Variants in EXOC4 observed in about 807,000 individuals in gnomAD.
The protein encoded by EXOC4 is exocyst complex component 4.
In EXOC4, 71 loss-of-function variants were observed where a neutral mutation model predicts 107.2. The ratio of observed to expected loss-of-function variants is 0.66; its 90% confidence interval spans 0.55 to 0.81. The LOEUF is 0.81. Ranked by LOEUF, EXOC4 falls within the 30% of genes least tolerant of loss-of-function variation. The pLI is 0.00. For synonymous variants in EXOC4, 456 were observed against 441.2 expected, an observed-to-expected ratio of 1.03 and a Z score of -0.42; for missense variants, 1,108 against 1,189.6, an observed-to-expected ratio of 0.93 and a Z score of 1.01.
chr7:133,441,211 A>C (rs970151445), intron 7 of EXOC4, among the ~76,000 whole-genome samples: 27 of 152,306 alleles, frequency 1.8e-4, no homozygotes, highest in Middle Eastern at 6.8e-3. Flanking sequence ...TATTTACAGC[A>C]AGTAAGATTT....
At chr7:134,040,526 A>C (rs1795490579) in intron 17 of EXOC4, among the ~76,000 whole-genome samples, 1 of 152,114 alleles carries the variant, frequency 6.6e-6, no homozygotes, top group African/African-American at 2.4e-5. Flanking sequence ...TTCCGAAGTC[A>C]TTGCCATGTT....
intron 7 of EXOC4, 42 bp from the exon 8 acceptor site, chr7:133,475,257 TAAAATAGTTTTTCTTAATTGCACATTAAA>T: frequency 7.5e-7 from 1 of 1,329,456 alleles, no homozygotes; most frequent in Non-Finnish European, 1.1e-6. Context: ...TGCATGGTTT[TAAAATAGTTTTTCTTAATTGCACATTAAA>T]AATGTGTATA....
intron 14 of EXOC4, among the ~76,000 whole-genome samples, chr7:133,951,187 G>A (rs1188269446): frequency 6.6e-6 from 1 of 152,162 alleles, no homozygotes; most frequent in Non-Finnish European, 1.5e-5. Context: ...CCTTGACCCA[G>A]CCCTACCCAT....
chr7:133,379,608 T>C (rs1796568360), intron 7 of EXOC4, among the ~76,000 whole-genome samples: 1 of 152,130 alleles, frequency 6.6e-6, no homozygotes, highest in African/African-American at 2.4e-5. Context: ...GACTATGTAA[T>C]TTTACTTATG....
intron 11 of EXOC4, among the ~76,000 whole-genome samples, chr7:133,842,514 T>A (rs1798043210): frequency 6.6e-6 from 1 of 152,226 alleles, no homozygotes; most frequent in Admixed American, 6.5e-5. Flanking sequence ...GCTTGTAAAT[T>A]TGTTTCAGTT....
At chr7:133,672,821 G>T (rs568832026) in intron 10 of EXOC4, among the ~76,000 whole-genome samples, 9 of 152,178 alleles carry the variant, frequency 5.9e-5, no homozygotes, top group African/African-American at 2.2e-4. Context: ...AGCAAGTCAC[G>T]TAAGGATTTA....
chr7:133,560,622 T>A (rs1800787649), intron 9 of EXOC4, among the ~76,000 whole-genome samples: 1 of 152,182 alleles, frequency 6.6e-6, no homozygotes, highest in South Asian at 2.1e-4. Context: ...CCTTTCCATT[T>A]AAAAAAATCT....
At chr7:133,721,008 T>G (rs1795095004) in intron 10 of EXOC4, among the ~76,000 whole-genome samples, 1 of 152,192 alleles carries the variant, frequency 6.6e-6, no homozygotes, top group Non-Finnish European at 1.5e-5. Flanking sequence ...GCTCTATTCC[T>G]TTTGCTTCTG....
intron 10 of EXOC4, among the ~76,000 whole-genome samples, chr7:133,791,905 T>C (rs1474192457): frequency 6.6e-6 from 1 of 152,216 alleles, no homozygotes; most frequent in Non-Finnish European, 1.5e-5. Flanking sequence ...ACCTCTACAG[T>C]TACTTCTCAC....
chr7:133,780,972 A>G (rs1391210409), intron 10 of EXOC4, among the ~76,000 whole-genome samples: 3 of 152,198 alleles, frequency 2.0e-5, no homozygotes, highest in African/African-American at 4.8e-5. Flanking sequence ...TGACTCCACT[A>G]TGACATCACA....
intron 9 of EXOC4, among the ~76,000 whole-genome samples, chr7:133,558,196 CTTTT>C (rs1800733887): frequency 9.9e-6 from 1 of 101,218 alleles, no homozygotes; most frequent in South Asian, 3.3e-4. Context: ...CTTCTCTTTT[CTTTT>C]CTTTTCTTTT....
chr7:133,382,875 T>C (rs1391062634), intron 7 of EXOC4, among the ~76,000 whole-genome samples: 1 of 152,158 alleles, frequency 6.6e-6, no homozygotes, highest in Non-Finnish European at 1.5e-5. Flanking sequence ...CATCCTTTAG[T>C]TGGAAGGCTC....
intron 9 of EXOC4, among the ~76,000 whole-genome samples, chr7:133,581,757 CAAAA>C (rs71162005): frequency 1.2e-5 from 1 of 82,906 alleles, no homozygotes. Flanking sequence ...GACTCCGTCT[CAAAA>C]AAAAAAAAAA....
At chr7:134,017,589 C>T (rs1794939368) in intron 17 of EXOC4, among the ~76,000 whole-genome samples, 2 of 152,098 alleles carry the variant, frequency 1.3e-5, no homozygotes, top group South Asian at 2.1e-4. Flanking sequence ...TTTTTCTGAT[C>T]TCCCTTTTTT....
chr7:133,564,369 A>G (rs925735115), intron 9 of EXOC4, among the ~76,000 whole-genome samples: 1 of 152,122 alleles, frequency 6.6e-6, no homozygotes, highest in Non-Finnish European at 1.5e-5. Flanking sequence ...GAACAGCACC[A>G]CAGGAGAAAT....
At chr7:133,575,933 G>A (rs1391125938) in intron 9 of EXOC4, among the ~76,000 whole-genome samples, 1 of 152,090 alleles carries the variant, frequency 6.6e-6, no homozygotes, top group Non-Finnish European at 1.5e-5. Flanking sequence ...AAAGGGCTTT[G>A]GTAATTGCTC....
rs1270829378 is a variant in EXOC4, at chr7:133,537,135, C to T, written c.1417+56997C>T. Among the ~76,000 whole-genome samples the T allele has an allele frequency of 2.0e-5, 3 of 149,554 alleles. No homozygotes were observed. In the East Asian group the frequency reaches 6.1e-4, roughly 30 times the overall value. ...CAGGAAACCAAATCCTTTAAATTCA[C>T]ACTGTTTATATATCTTGATTTTTTT... On this transcript the variant is annotated intron_variant, in intron 9 of 17. Coordinates refer to ENST00000253861, the MANE Select transcript of EXOC4 (RefSeq NM_021807.4).
chr7:133,613,996 G>A (rs1802131412), intron 9 of EXOC4, among the ~76,000 whole-genome samples: 1 of 152,110 alleles, frequency 6.6e-6, no homozygotes, highest in African/African-American at 2.4e-5. Context: ...TTAGAAAGAA[G>A]TTTGGCCTAA....
chr7:134,007,488 A>G (rs1794668252), intron 16 of EXOC4, among the ~76,000 whole-genome samples, 188 bp from the exon 17 acceptor site: 2 of 152,218 alleles, frequency 1.3e-5, no homozygotes, highest in Non-Finnish European at 2.9e-5. Context: ...ATTTGTAACT[A>G]CTAGGACAAT....
Sources: allele counts gnomAD v4.1 joint callset (sites outside exome capture counted in the v4.1 genomes callset), GRCh38; gene constraint gnomAD v4.1.1; transcripts MANE v1.5; gene names NCBI Gene and HGNC (gene_info 2026-07-23, HGNC 2026-07-21).